RGS6: variants seen among roughly 807,000 people sequenced by gnomAD.
The protein encoded by RGS6 is regulator of G-protein signaling 6.
A neutral mutation model predicts 78.5 loss-of-function variants in RGS6; 30 were observed. The observed-to-expected ratio is 0.38, with a 90% CI of 0.29 to 0.52. The LOEUF (loss-of-function observed/expected upper bound fraction) is 0.52. Among genes scored for constraint, RGS6 ranks in the 20% least tolerant of loss-of-function variants. RGS6 has a pLI of 0.85. For synonymous variants in RGS6, 206 were observed against 206.0 expected, an observed-to-expected ratio of 1.00 and a Z score of 0.00; for missense variants, 495 against 609.7, an observed-to-expected ratio of 0.81 and a Z score of 1.98.
At chr14:72,413,723 T>G (rs2093602489) in intron 3 of RGS6, among the ~76,000 whole-genome samples, 1 of 152,334 alleles carries the variant, frequency 6.6e-6, no homozygotes, top group Middle Eastern at 3.4e-3. Flanking sequence ...TTCCTTTCCA[T>G]GTTTAGTGCT....
chr14:72,399,753 T>C (rs1300669014), intron 3 of RGS6, among the ~76,000 whole-genome samples: 2 of 152,184 alleles, frequency 1.3e-5, no homozygotes, highest in Non-Finnish European at 2.9e-5. Flanking sequence ...CAGCATTTGC[T>C]TGTCTGTAAA....
intron 2 of RGS6, among the ~76,000 whole-genome samples, chr14:72,112,739 A>G (rs1451776432): frequency 1.3e-5 from 2 of 152,170 alleles, no homozygotes; most frequent in Non-Finnish European, 2.9e-5. Flanking sequence ...CAACCAGGTC[A>G]CACAGCTAGT....
chr14:71,884,323 T>G, the RGS6 span, among the ~76,000 whole-genome samples: 1 of 152,160 alleles, frequency 6.6e-6, no homozygotes, highest in African/African-American at 2.4e-5. Flanking sequence ...GCCAGAGAAA[T>G]ACAAATCCTT....
At chr14:72,071,225 A>T (rs1327031661) in intron 2 of RGS6, among the ~76,000 whole-genome samples, 2 of 152,220 alleles carry the variant, frequency 1.3e-5, no homozygotes, top group Non-Finnish European at 1.5e-5. Context: ...TGGTTCGTTC[A>T]TATTTACTTT....
chr14:72,430,950 C>T lies in RGS6; in HGVS notation c.185-23578C>T, dbSNP rs148786236. Reference sequence around the variant, plus strand: ...TCTGCTCTGCTTCATTCAGACCTCTCCTGGGTCTTTTCCTTCCCCTGCTGG... The same window carrying T: ...TCTGCTCTGCTTCATTCAGACCTCTTCTGGGTCTTTTCCTTCCCCTGCTGG... On this transcript the variant is annotated intron_variant, in intron 3 of 17. Transcript: ENST00000553525. 7.2e-3 allele frequency among the ~76,000 whole-genome samples: 1,102 copies of T among 152,300 alleles called. 9 individuals are homozygous for T. Among genetic ancestry groups the T allele is most frequent in the Middle Eastern group, 0.031 (9 of 294 alleles).
At chr14:72,169,287 A>G (rs976145992) in intron 2 of RGS6, among the ~76,000 whole-genome samples, 14 of 152,204 alleles carry the variant, frequency 9.2e-5, no homozygotes, top group East Asian at 7.7e-4. Context: ...AAAAAGTGCT[A>G]TGTGTGTTAG....
chr14:72,603,332 C>T, the RGS6 span, among the ~76,000 whole-genome samples: 1 of 152,176 alleles, frequency 6.6e-6, no homozygotes, highest in East Asian at 1.9e-4. Flanking sequence ...GCCTAGGGGC[C>T]CAGTCCATTC....
At chr14:72,534,557 C>G (rs1013187551) in intron 15 of RGS6, among the ~76,000 whole-genome samples, 4 of 152,168 alleles carry the variant, frequency 2.6e-5, no homozygotes, top group African/African-American at 9.7e-5. Context: ...AATAGTATTC[C>G]ATTATGCCTA....
intron 3 of RGS6, among the ~76,000 whole-genome samples, chr14:72,410,355 A>T (rs1249856458): frequency 6.6e-6 from 1 of 152,220 alleles, no homozygotes; most frequent in Non-Finnish European, 1.5e-5. Context: ...CTTTGGCTGC[A>T]TAAATGTCTT....
intron 1 of RGS6, among the ~76,000 whole-genome samples, chr14:71,954,542 G>A (rs912626299): frequency 6.6e-6 from 1 of 152,076 alleles, no homozygotes; most frequent in Admixed American, 6.5e-5. Context: ...GGAAAATAGG[G>A]TGTCCATCCC....
At chr14:72,624,333 C>CTTTTTTTTTTTTTTTTTTTTT in the RGS6 span, among the ~76,000 whole-genome samples, 2 of 97,796 alleles carry the variant, frequency 2.0e-5, no homozygotes, top group African/African-American at 7.7e-5. Flanking sequence ...ACCTATGTCT[C>CTTTTTTTTTTTTTTTTTTTTT]TTTTTTTTTT....
At chr14:71,926,505 A>T in the RGS6 span, among the ~76,000 whole-genome samples, 5 of 148,672 alleles carry the variant, frequency 3.4e-5, no homozygotes, top group South Asian at 1.1e-3. Context: ...AATCGCTTGA[A>T]CCCAGGAGGC....
the RGS6 span, among the ~76,000 whole-genome samples, chr14:72,604,360 A>G: frequency 6.6e-6 from 1 of 152,184 alleles, no homozygotes; most frequent in Non-Finnish European, 1.5e-5. Context: ...AAAGTCTTAT[A>G]CATTCTTCAA....
At chr14:71,921,694 C>T in the RGS6 span, among the ~76,000 whole-genome samples, 1 of 152,048 alleles carries the variant, frequency 6.6e-6, no homozygotes, top group East Asian at 1.9e-4. Context: ...ATGGTGGTTG[C>T]CAGAGGGTGG....
At chr14:71,876,071 G>T in the RGS6 span, among the ~76,000 whole-genome samples, 4 of 152,068 alleles carry the variant, frequency 2.6e-5, no homozygotes, top group Non-Finnish European at 5.9e-5. Context: ...CCAACTATGT[G>T]GTCAATTTTG....
chr14:72,138,432 G>A (rs773299500), intron 2 of RGS6, among the ~76,000 whole-genome samples: 20 of 138,864 alleles, frequency 1.4e-4, no homozygotes, highest in Non-Finnish European at 2.8e-4. Flanking sequence ...ATACTTCACT[G>A]TAGTGCACCT....
chr14:71,977,547 A>G (rs1335934033), intron 2 of RGS6, among the ~76,000 whole-genome samples: 6 of 150,014 alleles, frequency 4.0e-5, no homozygotes, highest in Non-Finnish European at 8.9e-5. Flanking sequence ...TGTTTTTCTC[A>G]GGTTTGTCAA....
At chr14:72,490,648 G>A (rs2096566396) in intron 12 of RGS6, among the ~76,000 whole-genome samples, 1 of 152,184 alleles carries the variant, frequency 6.6e-6, no homozygotes, top group African/African-American at 2.4e-5. Context: ...ACAAAGATCA[G>A]TTAAATGACT....
the RGS6 span, among the ~76,000 whole-genome samples, chr14:72,582,186 C>T: frequency 4.6e-5 from 7 of 152,316 alleles, no homozygotes; most frequent in Admixed American, 1.3e-4. Context: ...GGTCCTACCT[C>T]CCAATGCCAC....
Sources: allele counts gnomAD v4.1 joint callset (sites outside exome capture counted in the v4.1 genomes callset), GRCh38; gene constraint gnomAD v4.1.1; transcripts MANE v1.5; gene names NCBI Gene and HGNC (gene_info 2026-07-23, HGNC 2026-07-21).